Variants in RBM34 observed in about 807,000 individuals in gnomAD.
The protein encoded by RBM34 is RNA binding motif protein 34, also known as RNA-binding protein 34.
RBM34 carries 39 observed loss-of-function variants against 44.6 expected under a neutral mutation model. That is an observed-to-expected ratio of 0.87 (90% confidence interval 0.68 to 1.14). RBM34 has a LOEUF of 1.14. Ranked by LOEUF, RBM34 falls within the 50% of genes most tolerant of loss-of-function variation. The pLI, the probability that RBM34 is intolerant of heterozygous loss-of-function variation, is 0.00. For synonymous variants in RBM34, 194 were observed against 184.0 expected (o/e 1.05, Z -0.44); for missense variants, 572 against 517.9 (o/e 1.10, Z -1.01).
At chr1:235,134,518 G>A (rs188957112) in intron 10 of RBM34, among the ~76,000 whole-genome samples, 34 of 152,110 alleles carry the variant, frequency 2.2e-4, no homozygotes, top group African/African-American at 7.5e-4. Context: ...AAAAATTAGC[G>A]AACTAAATAT....
In RBM34 at chr1:235,154,868, T is replaced by C. The variant is rs756419665; in HGVS notation, c.597+13A>G. 7 of 1,596,228 alleles carry C rather than the reference T, an allele frequency of 4.4e-6. No individual in the cohort carries two copies. The highest frequency in any genetic ancestry group is 2.7e-5 in the African/African-American group (2 of 74,542). Reference sequence around the variant, plus strand: ...TATTAACTTCTCTGAACTTTTACCATATACAAACTCACCTTCTTATTACAT... The same window carrying C: ...TATTAACTTCTCTGAACTTTTACCACATACAAACTCACCTTCTTATTACAT... On this transcript the variant is annotated intron_variant, in intron 4 of 10. Coordinates refer to ENST00000408888, the MANE Select transcript of RBM34 (RefSeq NM_015014.4).
At position 235,154,958 on chromosome 1, in the gene RBM34, T is replaced by C; in HGVS notation, c.520A>G (p.Ile174Val). ...TVVSQRKKIQ[I>V]NQEEERLKNE... Reference sequence around the variant, plus strand: ...TTTAATCTCTCTTCTTCTTGGTTGATTTGAATTTTCTTTCTTTGACTGACA... The same window carrying C: ...TTTAATCTCTCTTCTTCTTGGTTGACTTGAATTTTCTTTCTTTGACTGACA... Residue 174 changes from isoleucine (I) to valine (V), a missense_variant, in exon 4 of 11, where the codon ATC (isoleucine) becomes GTC (valine). Coordinates refer to ENST00000408888, the MANE Select transcript of RBM34 (RefSeq NM_015014.4). 1 of 1,614,094 alleles carries C rather than the reference T, an allele frequency of 6.2e-7. No homozygotes were observed. Among genetic ancestry groups the C allele is most frequent in the Non-Finnish European group, 8.5e-7 (1 of 1,179,986 alleles).
chr1:235,131,576 G>T lies in RBM34; in HGVS notation c.*137C>A. 1 of 964,296 alleles carries T rather than the reference G, an allele frequency of 1.0e-6. No homozygotes were observed. Among genetic ancestry groups the T allele is most frequent in the South Asian group, 1.9e-5 (1 of 52,624 alleles). The allele number at this position is 964,296 out of a possible 1,614,324, so 59.7% of individuals were successfully genotyped here. On this transcript the variant is annotated 3_prime_UTR_variant, in exon 11 of 11. Coordinates refer to ENST00000408888, the MANE Select transcript of RBM34 (RefSeq NM_015014.4). The stretch of plus-strand genomic sequence containing the variant: ...ACAATGTGAATAAACTGAGAATGTG[G>T]AAGTCTCCACATTTCACATACACCA...
chr1:235,135,967 T>C (rs1260190106), intron 9 of RBM34, 67 bp downstream of exon 9: 3 of 1,353,328 alleles, frequency 2.2e-6, no homozygotes, highest in Non-Finnish European at 2.0e-6. Context: ...ATTAAGTTAC[T>C]ACTCAGTTCT....
At chr1:235,149,672 G>T (rs956354192) in intron 5 of RBM34, among the ~76,000 whole-genome samples, 2 of 152,064 alleles carry the variant, frequency 1.3e-5, no homozygotes, top group South Asian at 2.1e-4. Context: ...AAACTTTATG[G>T]AAGAGGCAGA....
chr1:235,148,272 GCAAA>G lies in RBM34; in HGVS notation c.701+128_701+131del, dbSNP rs1256186096. The G allele has an allele frequency of 1.6e-5, 9 of 548,708 alleles. No individual in the cohort carries two copies. The Middle Eastern group carries it at 1.7e-3, about 105-fold the overall frequency. 34.0% of individuals were successfully genotyped at this position (548,708 alleles called of 1,614,324 possible). On this transcript the variant is annotated intron_variant, in intron 6 of 10. Transcript: ENST00000408888. ...AATCTAAAGGCTCTCAAATACAGAAGCAAACAGTCAATCATGCTCTATTATCCAA... is the reference window on the plus strand; with the variant it reads ...AATCTAAAGGCTCTCAAATACAGAAGCAGTCAATCATGCTCTATTATCCAA...
chr1:235,136,594 T>C (rs116606299), intron 8 of RBM34, among the ~76,000 whole-genome samples: 1,726 of 152,344 alleles, frequency 0.011, 30 homozygotes, highest in African/African-American at 0.036. Context: ...ATCCAGGTCG[T>C]TGTCATTTCT....
In RBM34 at chr1:235,154,955, TG is replaced by T. The variant is rs1662331248; in HGVS notation, c.522del (p.Asn175ThrfsTer7). ...TTCTTTAATCTCTCTTCTTCTTGGTTGATTTGAATTTTCTTTCTTTGACTGA... is the reference window on the plus strand; with the variant it reads ...TTCTTTAATCTCTCTTCTTCTTGGTTATTTGAATTTTCTTTCTTTGACTGA... ...TVVSQRKKIQ[I>X]NQEEERLKNE... On this transcript the variant is annotated frameshift_variant, in exon 4 of 11. Transcript: ENST00000408888. LOFTEE classifies it high-confidence loss of function. 2 of 1,614,130 alleles carry T rather than the reference TG, an allele frequency of 1.2e-6. No homozygotes were observed. The highest frequency in any genetic ancestry group is 1.7e-6 in the Non-Finnish European group (2 of 1,180,002).
chr1:235,137,987 CG>C (rs1558138167), intron 7 of RBM34, 47 bp from the exon 8 acceptor site: 1 of 1,548,154 alleles, frequency 6.5e-7, no homozygotes, highest in Admixed American at 1.7e-5. Flanking sequence ...AATGAGCACT[CG>C]ATTACTAAAA....
chr1:235,142,621 C>T (rs1432529245), intron 6 of RBM34, among the ~76,000 whole-genome samples: 3 of 152,128 alleles, frequency 2.0e-5, no homozygotes, highest in South Asian at 2.1e-4. Context: ...AAACTTAAAA[C>T]TTTCAATCTT....
At chr1:235,156,114 C>T (rs962383678) in intron 3 of RBM34, among the ~76,000 whole-genome samples, 4 of 151,222 alleles carry the variant, frequency 2.6e-5, no homozygotes, top group South Asian at 2.1e-4. Flanking sequence ...TTGCTCCGCC[C>T]GCCTCAGCCT....
rs1274522071 is a variant in RBM34 at position 235,154,017 on chromosome 1, C to T, written c.597+864G>A. On this transcript the variant is annotated intron_variant, in intron 4 of 10. Transcript: ENST00000408888. Reference sequence around the variant, plus strand: ...ATCCCAGCACTTTGGGAGGCCGAGGCGGACGGATCACAAGGTCAGGAAATC... The same window carrying T: ...ATCCCAGCACTTTGGGAGGCCGAGGTGGACGGATCACAAGGTCAGGAAATC... Among the ~76,000 whole-genome samples, 9 of 151,858 alleles carry T rather than the reference C, an allele frequency of 5.9e-5. No homozygotes were observed. The South Asian group carries it at 1.5e-3, about 25-fold the overall frequency.
intron 10 of RBM34, among the ~76,000 whole-genome samples, chr1:235,133,701 A>C (rs1661301202): frequency 6.6e-6 from 1 of 152,226 alleles, no homozygotes; most frequent in African/African-American, 2.4e-5. Context: ...GAAAACAACA[A>C]ATAATATGAC....
chr1:235,131,786 G>A lies in RBM34; in HGVS notation c.1220C>T (p.Ala407Val), dbSNP rs999681534. Residue 407 changes from alanine to valine, a missense_variant, in exon 11 of 11, where the codon GCT (alanine) becomes GTT (valine). Coordinates refer to ENST00000408888, the MANE Select transcript of RBM34 (RefSeq NM_015014.4). ...TTTCTTCTTCGTTTTAAGGAGAACA[G>A]CTTTTTCTCCAATAAATAAGCTTTT... is the stretch of plus-strand genomic sequence containing the variant. ...HPKSLFIGEK[A>V]VLLKTKKKGQ... 3.1e-6 allele frequency: 5 copies of A among 1,613,830 alleles called. No individual in the cohort carries two copies. The highest frequency in any genetic ancestry group is 3.4e-6 in the Non-Finnish European group (4 of 1,179,946).
chr1:235,137,770 G>A (rs747756433), intron 8 of RBM34, 107 bp downstream of exon 8: 4 of 828,014 alleles, frequency 4.8e-6, no homozygotes, highest in Admixed American at 5.3e-5. Context: ...GTTTCCTTCT[G>A]CGCTTCCCTC....
chr1:235,156,179 T>G (rs1662434348), intron 3 of RBM34, among the ~76,000 whole-genome samples: 1 of 151,672 alleles, frequency 6.6e-6, no homozygotes, highest in South Asian at 2.1e-4. Flanking sequence ...CCTTTTATAT[T>G]TTTTTGTAGA....
In RBM34 at chr1:235,131,727, T is replaced by TC; in HGVS notation, c.1278dup (p.Arg427GlufsTer16). 6.3e-7 allele frequency: 1 copy of TC among 1,587,282 alleles called. No individual in the cohort carries two copies. Among genetic ancestry groups the TC allele is most frequent in the Non-Finnish European group, 8.5e-7 (1 of 1,170,418 alleles). ...GTTCCTGGTTGTTATTTCTGTTTTC[T>TC]CTGTTTCTTAGGGCGTCCACTTTTC... On this transcript the variant is annotated frameshift_variant, in exon 11 of 11. Transcript: ENST00000408888. LOFTEE classifies it high-confidence loss of function.
intron 3 of RBM34, among the ~76,000 whole-genome samples, chr1:235,157,414 T>C (rs564011967): frequency 6.6e-6 from 1 of 152,288 alleles, no homozygotes; most frequent in Admixed American, 6.5e-5. Context: ...GCCACTAACT[T>C]AGGCAACTAG....
chr1:235,149,189 C>T (rs905852821), intron 5 of RBM34, among the ~76,000 whole-genome samples: 49 of 151,656 alleles, frequency 3.2e-4, no homozygotes, highest in Non-Finnish European at 5.6e-4. Flanking sequence ...GAGGTTGAGA[C>T]CATCCTGGCT....
Sources: allele counts gnomAD v4.1 joint callset (sites outside exome capture counted in the v4.1 genomes callset), GRCh38; gene constraint gnomAD v4.1.1; transcripts MANE v1.5; gene names NCBI Gene and HGNC (gene_info 2026-07-23, HGNC 2026-07-21).